The following ARMC9 variants were observed in gnomAD, a reference collection of about 807,000 sequenced individuals.
The protein encoded by ARMC9 is lisH domain-containing protein ARMC9.
A neutral mutation model predicts 107.0 loss-of-function variants in ARMC9; 94 were observed. The ratio of observed to expected loss-of-function variants is 0.88; its 90% CI spans 0.74 to 1.04. ARMC9 has a LOEUF of 1.04. Among genes scored for constraint, ARMC9 ranks in the 50% least tolerant of loss-of-function variants. The probability of loss-of-function intolerance (pLI) is 0.00; values close to 1 mark genes in which losing one functional copy is unlikely to be tolerated. For missense variants in ARMC9, 942 were observed against 1,030.1 expected (o/e 0.91, Z 1.17); for synonymous variants, 380 against 396.9 (o/e 0.96, Z 0.51).
intron 17 of ARMC9, 83 bp downstream of exon 17, chr2:231,282,216 G>C (rs1038196024): frequency 1.4e-6 from 2 of 1,410,758 alleles, no homozygotes; most frequent in Non-Finnish European, 2.0e-6. Context: ...CCTTGATTGG[G>C]CTCCATAGAA....
intron 24 of ARMC9, chr2:231,371,040 G>A (rs2046000436): frequency 2.2e-6 from 1 of 456,010 alleles, no homozygotes; most frequent in South Asian, 1.6e-5. Context: ...ACTTCCCACT[G>A]GGAAACACAC....
intron 20 of ARMC9, among the ~76,000 whole-genome samples, chr2:231,337,290 A>ATTTTTTTTTTTT (rs58078324): frequency 2.6e-5 from 1 of 38,018 alleles, no homozygotes; most frequent in African/African-American, 1.2e-4. Flanking sequence ...ATATATATAT[A>ATTTTTTTTTTTT]TTTTTTTTTT....
chr2:231,320,558 C>CAAA (rs59261270), intron 19 of ARMC9, among the ~76,000 whole-genome samples: 1 of 96,124 alleles, frequency 1.0e-5, no homozygotes, highest in Non-Finnish European at 2.6e-5. Flanking sequence ...CCCTCATGGA[C>CAAA]AAAAAAAAAA....
intron 8 of ARMC9, among the ~76,000 whole-genome samples, chr2:231,239,130 T>C (rs1295733998): frequency 9.2e-5 from 14 of 152,218 alleles, no homozygotes; most frequent in Non-Finnish European, 1.9e-4. Context: ...TAATAGTCAT[T>C]ATCCGCAGGG....
chr2:231,362,747 C>T lies in ARMC9; in HGVS notation c.2261+1864C>T, dbSNP rs1161712061. ...ATTCTAGATGAGAGATATATATATACCTCATATGTATATGGTATACCTCAT... is the reference window on the plus strand; with the variant it reads ...ATTCTAGATGAGAGATATATATATATCTCATATGTATATGGTATACCTCAT... On this transcript the variant is annotated intron_variant, in intron 23 of 24. Coordinates refer to ENST00000611582, the MANE Select transcript of ARMC9 (RefSeq NM_001352754.2). This position sits in a 1 kb window ranked among gnomAD's most constrained non-coding sequence, Gnocchi z 4.7. 1 of 153,102 alleles carries T rather than the reference C, an allele frequency of 6.5e-6. No homozygotes were observed. Among genetic ancestry groups the T allele is most frequent in the Non-Finnish European group, 1.5e-5 (1 of 67,952 alleles). 9.5% of individuals were successfully genotyped at this position (153,102 alleles called of 1,614,324 possible).
At chr2:231,298,543 C>T (rs1342025513) in intron 19 of ARMC9, among the ~76,000 whole-genome samples, 1 of 152,200 alleles carries the variant, frequency 6.6e-6, no homozygotes, top group Non-Finnish European at 1.5e-5. Flanking sequence ...GGAGTCATAC[C>T]TTATCTTGCT....
chr2:231,247,650 G>T (rs2125387241), intron 9 of ARMC9, among the ~76,000 whole-genome samples: 1 of 152,302 alleles, frequency 6.6e-6, no homozygotes, highest in Admixed American at 6.5e-5. Context: ...ACCTTTGTAG[G>T]CCGGGTGCAG....
chr2:231,350,002 A>G (rs530449383), intron 21 of ARMC9, among the ~76,000 whole-genome samples: 1 of 150,624 alleles, frequency 6.6e-6, no homozygotes, highest in South Asian at 2.1e-4. Context: ...ATACATATAT[A>G]CACCTACTGT....
chr2:231,202,008 T>C (rs1471717181), intron 1 of ARMC9, among the ~76,000 whole-genome samples: 88 of 150,754 alleles, frequency 5.8e-4, no homozygotes, highest in Middle Eastern at 3.4e-3. Context: ...TCTTTCTTTT[T>C]TTTTTTTTTT....
chr2:231,277,145 C>G (rs191157199), intron 15 of ARMC9, among the ~76,000 whole-genome samples: 1 of 152,294 alleles, frequency 6.6e-6, no homozygotes, highest in Admixed American at 6.5e-5. Context: ...AGCAGTGACA[C>G]TAAACCACAC....
chr2:231,268,140 G>T (rs892526548), intron 12 of ARMC9, among the ~76,000 whole-genome samples: 2 of 152,300 alleles, frequency 1.3e-5, no homozygotes, highest in Admixed American at 1.3e-4. Flanking sequence ...AAAAATTTAA[G>T]GAGGAGCCAA....
rs142285288 is a variant in ARMC9, at chr2:231,237,781, A to AT, written c.781-2128dup. Among the ~76,000 whole-genome samples the AT allele has an allele frequency of 4.8e-4, 13 of 26,964 alleles. 1 individual carries two copies. The highest frequency in any genetic ancestry group is 8.5e-4 in the Non-Finnish European group (12 of 14,046). The allele number at this position is 26,964 out of a possible 152,430, so 17.7% of individuals were successfully genotyped here. A position where few individuals can be genotyped will look rare whatever the true frequency, so the allele number is the denominator to read the frequency against. ...TATATATATATATATATATATATAT[A>AT]TTTTTTTTTTTTTTTTTTTTTTTTT... On this transcript the variant is annotated intron_variant, in intron 8 of 24. Coordinates refer to ENST00000611582, the MANE Select transcript of ARMC9 (RefSeq NM_001352754.2).
At position 231,276,707 on chromosome 2, in the gene ARMC9, A is replaced by G. The variant is rs1463354624; in HGVS notation, c.1406A>G (p.Asp469Gly). Residue 469 changes from aspartate (D) to glycine (G), a missense_variant, in exon 15 of 25, where the codon GAC becomes GGC. Transcript: ENST00000611582. ...CTGGTTGATGTTCTGAAGGACCCTG[A>G]CTGCCTGTCTGACTACACGCTGGAG... ...FWLVDVLKDP[D>G]CLSDYTLEYS... is the part of the protein sequence containing the mutation. 6.2e-7 allele frequency: 1 copy of G among 1,613,866 alleles called. No individual in the cohort carries two copies.
intron 12 of ARMC9, among the ~76,000 whole-genome samples, chr2:231,263,864 T>C (rs1163893062): frequency 6.6e-6 from 1 of 152,254 alleles, no homozygotes; most frequent in African/African-American, 2.4e-5. Context: ...TGTATTGTTA[T>C]AACTTCCAAA....
At chr2:231,241,655 C>A (rs1230569167) in intron 9 of ARMC9, among the ~76,000 whole-genome samples, 1 of 151,854 alleles carries the variant, frequency 6.6e-6, no homozygotes, top group East Asian at 1.9e-4. Context: ...ACCTAATTCT[C>A]AAGTAGATTT....
chr2:231,220,585 A>G (rs9750018), intron 5 of ARMC9, among the ~76,000 whole-genome samples: 40,854 of 141,134 alleles, frequency 0.29, 6,215 homozygotes, highest in African/African-American at 0.39. Flanking sequence ...CAACAGAGCG[A>G]GACTCCATCT....
rs2037797677 is a variant in ARMC9 at position 231,256,289 on chromosome 2, G to C, written c.880-297G>C. ...CACCCTTTTGGAGTCAGAGCGAGAA[G>C]CCCGGAGGTTGCGCTGAGCTTGCTT... On this transcript the variant is annotated intron_variant, in intron 9 of 24. Transcript: ENST00000611582. 11 of 1,553,884 alleles carry C rather than the reference G, an allele frequency of 7.1e-6. 1 individual carries two copies. In the African/African-American group the frequency reaches 8.2e-5, roughly 12 times the overall value.
At chr2:231,343,812 A>G (rs1559490242) in intron 20 of ARMC9, among the ~76,000 whole-genome samples, 1 of 151,882 alleles carries the variant, frequency 6.6e-6, no homozygotes, top group Non-Finnish European at 1.5e-5. Context: ...AGTGGCGTGC[A>G]CTTGTAATCC....
intron 18 of ARMC9, chr2:231,294,007 T>C (rs952651800): frequency 6.6e-6 from 1 of 152,254 alleles, no homozygotes; most frequent in Non-Finnish European, 1.5e-5. Flanking sequence ...TGAAATGGCA[T>C]TGCCACCATC....
Sources: allele counts gnomAD v4.1 joint callset (sites outside exome capture counted in the v4.1 genomes callset), GRCh38; gene constraint gnomAD v4.1.1; non-coding constraint Gnocchi (gnomAD v3.1); transcripts MANE v1.5; gene names NCBI Gene and HGNC (gene_info 2026-07-23, HGNC 2026-07-21).